GALNT11: variants seen among roughly 807,000 people sequenced by gnomAD.
The protein encoded by GALNT11 is UDP-GalNAc:polypeptide N-acetylgalactosaminyltransferase 11.
Under a neutral mutation model 72.7 loss-of-function variants are expected in GALNT11, and 47 were observed. The ratio of observed to expected loss-of-function variants is 0.65; its 90% CI spans 0.51 to 0.82. GALNT11 has a LOEUF of 0.82. GALNT11 is among the 40% of genes least tolerant of loss of function. The probability of loss-of-function intolerance (pLI) is 0.00; values close to 1 mark genes in which losing one functional copy is unlikely to be tolerated. For missense variants in GALNT11, 677 were observed against 778.4 expected, an observed-to-expected ratio of 0.87 and a Z score of 1.55; for synonymous variants, 270 against 286.6, an observed-to-expected ratio of 0.94 and a Z score of 0.58.
intron 1 of GALNT11, among the ~76,000 whole-genome samples, chr7:152,029,194 G>C (rs376703673): frequency 6.6e-6 from 1 of 152,166 alleles, no homozygotes; most frequent in Non-Finnish European, 1.5e-5. Context: ...TCTAGGCCTC[G>C]GTGGTTTTGG....
At chr7:152,068,481 A>G (rs1193194719) in intron 1 of GALNT11, among the ~76,000 whole-genome samples, 3 of 152,208 alleles carry the variant, frequency 2.0e-5, no homozygotes, top group East Asian at 1.9e-4. Context: ...AAGGTTTCAT[A>G]TGCAGGTTTT....
At chr7:152,027,212 G>GCACTCCAT (rs1391702168) in intron 1 of GALNT11, among the ~76,000 whole-genome samples, 1 of 152,196 alleles carries the variant, frequency 6.6e-6, no homozygotes, top group Admixed American at 6.5e-5. Flanking sequence ...TCACGCCACT[G>GCACTCCAT]CACTCCATCC....
intron 1 of GALNT11, among the ~76,000 whole-genome samples, chr7:152,062,403 A>G (rs2084070612): frequency 6.6e-6 from 1 of 152,208 alleles, no homozygotes; most frequent in Admixed American, 6.5e-5. Flanking sequence ...CAATCATGTC[A>G]TCTGCAAACA....
Position 152,094,005 on chromosome 7 carries a change from C to A in GALNT11, c.-38-185C>A, listed in dbSNP as rs35304446. On this transcript the variant is annotated intron_variant, in intron 1 of 11. Coordinates refer to ENST00000430044, the MANE Select transcript of GALNT11 (RefSeq NM_022087.4). The surrounding 1 kb of genome is among the most constrained non-coding windows in gnomAD (Gnocchi z 4.3). ...GTTCTCTGAGCATTAACCCACAGGC[C>A]TGAGGTTTTCATTGTTGAACCCTTT... The A allele has an allele frequency of 0.044, 20,033 of 459,510 alleles. 1,000 individuals are homozygous for A. Among genetic ancestry groups the A allele is most frequent in the East Asian group, 0.21 (5,762 of 28,046 alleles). The allele number at this position is 459,510 out of a possible 1,614,324, so 28.5% of individuals were successfully genotyped here. A position where few individuals can be genotyped will look rare whatever the true frequency, so the allele number is the denominator to read the frequency against.
intron 2 of GALNT11, among the ~76,000 whole-genome samples, chr7:152,096,793 G>T (rs914251604): frequency 7.2e-5 from 11 of 151,876 alleles, no homozygotes; most frequent in African/African-American, 2.7e-4. Context: ...TCTAATAAGG[G>T]TTCAGTATCC....
chr7:152,043,532 G>A (rs575120260), intron 1 of GALNT11, among the ~76,000 whole-genome samples: 1 of 152,304 alleles, frequency 6.6e-6, no homozygotes, highest in Admixed American at 6.5e-5. Context: ...ATATTTCCCT[G>A]TTTATCTGGG....
intron 1 of GALNT11, chr7:152,027,642 A>T (rs969968616): frequency 6.5e-6 from 1 of 153,296 alleles, no homozygotes; most frequent in African/African-American, 2.4e-5. Context: ...GCTGCTGCGT[A>T]AATGTGTCCG....
chr7:152,035,098 A>G (rs1433129136), intron 1 of GALNT11, among the ~76,000 whole-genome samples: 1 of 152,160 alleles, frequency 6.6e-6, no homozygotes, highest in African/African-American at 2.4e-5. Flanking sequence ...ATATGAATAC[A>G]AGAATGTCAT....
intron 2 of GALNT11, among the ~76,000 whole-genome samples, chr7:152,098,398 C>T (rs2086533609): frequency 6.6e-6 from 1 of 151,662 alleles, no homozygotes; most frequent in African/African-American, 2.4e-5. Flanking sequence ...GCACTCCAGC[C>T]TGGGGGACAG....
intron 1 of GALNT11, among the ~76,000 whole-genome samples, chr7:152,050,899 G>T (rs1027565828): frequency 2.6e-5 from 4 of 152,116 alleles, no homozygotes; most frequent in African/African-American, 9.7e-5. Context: ...CTGTGACAGG[G>T]CAGCACTGAG....
chr7:152,028,684 C>T (rs115903951), intron 1 of GALNT11, among the ~76,000 whole-genome samples: 116 of 152,268 alleles, frequency 7.6e-4, no homozygotes, highest in African/African-American at 2.5e-3. Context: ...TCAATCCCCC[C>T]CCTCTAAACA....
In GALNT11 at chr7:152,118,629, G is replaced by T. The variant is rs745980443; in HGVS notation, c.1453-49G>T. 80 of 1,547,226 alleles carry T rather than the reference G, an allele frequency of 5.2e-5. No homozygotes were observed. In the East Asian group the frequency reaches 1.8e-3, roughly 36 times the overall value. On this transcript the variant is annotated intron_variant, in intron 9 of 11. Coordinates refer to ENST00000430044, the MANE Select transcript of GALNT11 (RefSeq NM_022087.4). ...CTGGAACCACCTCCAGGCTTGGGAG[G>T]CGTCTCTGGGATTGTTTCCCACATT...
At chr7:152,045,782 A>G (rs2083089483) in intron 1 of GALNT11, among the ~76,000 whole-genome samples, 1 of 150,370 alleles carries the variant, frequency 6.7e-6, no homozygotes, top group South Asian at 2.1e-4. Flanking sequence ...AATTTCTTTT[A>G]TTTCTGCTGT....
intron 1 of GALNT11, among the ~76,000 whole-genome samples, chr7:152,062,835 A>T (rs539320351): frequency 1.1e-4 from 16 of 152,292 alleles, no homozygotes; most frequent in African/African-American, 3.9e-4. Context: ...ATGGTGGATA[A>T]GCTTTTTGAT....
At chr7:152,033,871 A>G (rs549776795) in intron 1 of GALNT11, among the ~76,000 whole-genome samples, 59 of 152,264 alleles carry the variant, frequency 3.9e-4, no homozygotes, top group African/African-American at 1.4e-3. Flanking sequence ...GGTATCTCCA[A>G]ACTCTCAGGC....
chr7:152,101,970 C>CT (rs2086962845), intron 3 of GALNT11, among the ~76,000 whole-genome samples: 2 of 152,052 alleles, frequency 1.3e-5, no homozygotes, highest in African/African-American at 2.4e-5. Context: ...GCTCCTAACC[C>CT]TTTTTTTCCC....
chr7:152,095,533 TA>T (rs2086315156), intron 2 of GALNT11, among the ~76,000 whole-genome samples: 1 of 152,166 alleles, frequency 6.6e-6, no homozygotes, highest in South Asian at 2.1e-4. Context: ...CAAAAGTATG[TA>T]AAATTTTATG....
chr7:152,032,938 G>C (rs1464529499), intron 1 of GALNT11, among the ~76,000 whole-genome samples: 3 of 152,210 alleles, frequency 2.0e-5, no homozygotes, highest in Non-Finnish European at 2.9e-5. Flanking sequence ...GCTGTCCCAG[G>C]ATTCCTCGGA....
At chr7:152,093,897 C>T (rs1007484093) in intron 1 of GALNT11, 10 of 227,138 alleles carry the variant, frequency 4.4e-5, no homozygotes, top group African/African-American at 2.3e-4. Flanking sequence ...AAAAATTACG[C>T]AACTGAAAGC....
Sources: gnomAD v4.1 joint callset for allele counts (sites outside exome capture counted in the v4.1 genomes callset) on GRCh38, gnomAD v4.1.1 for gene constraint, Gnocchi (gnomAD v3.1) non-coding constraint, MANE v1.5 for transcripts, NCBI Gene and HGNC (gene_info 2026-07-23, HGNC 2026-07-21) for gene names.